The following VPS53 variants were observed in gnomAD, a reference collection of about 807,000 sequenced individuals.
The protein encoded by VPS53 is vacuolar protein sorting-associated protein 53 homolog.
Under a neutral mutation model 107.0 loss-of-function variants are expected in VPS53, and 70 were observed. The observed-to-expected ratio is 0.65, with a 90% CI of 0.54 to 0.80. The LOEUF is 0.80. Among genes scored for constraint, VPS53 ranks in the 30% least tolerant of loss-of-function variants. The probability of loss-of-function intolerance (pLI) is 0.00; values close to 1 mark genes in which losing one functional copy is unlikely to be tolerated. For synonymous variants in VPS53, 409 were observed against 393.3 expected (o/e 1.04, Z -0.47); for missense variants, 917 against 1,049.4 (o/e 0.87, Z 1.74).
intron 11 of VPS53, among the ~76,000 whole-genome samples, chr17:610,182 TTAG>T (rs1968797007): frequency 7.2e-6 from 1 of 138,602 alleles, no homozygotes; most frequent in Non-Finnish European, 1.6e-5. Flanking sequence ...CACACACAAA[TTAG>T]TAGACAAAAA....
intron 4 of VPS53, among the ~76,000 whole-genome samples, chr17:691,245 A>G (rs1198177568): frequency 6.6e-6 from 1 of 152,226 alleles, no homozygotes; most frequent in Middle Eastern, 3.2e-3. Context: ...TCCAGCTGGC[A>G]GAACTAAGAT....
Position 714,757 on chromosome 17 carries a change from C to A in VPS53, c.-48G>T, listed in dbSNP as rs997448352. On this transcript the variant is annotated 5_prime_UTR_variant, in exon 1 of 22. Coordinates refer to ENST00000437048, the MANE Select transcript of VPS53 (RefSeq NM_001128159.3). ...ACCCCCGCCGCGAGCCCAACTCAGG[C>A]CTCCAGCCGCCACCCAGGCCCCAGC... 1 of 1,603,104 alleles carries A rather than the reference C, an allele frequency of 6.2e-7. No homozygotes were observed. Among genetic ancestry groups the A allele is most frequent in the Non-Finnish European group, 8.5e-7 (1 of 1,171,186 alleles).
chr17:672,153 A>ACACACACACAC (rs1193028603), intron 4 of VPS53, among the ~76,000 whole-genome samples: 342 of 58,134 alleles, frequency 5.9e-3, no homozygotes, highest in East Asian at 0.012. Flanking sequence ...CACACACACA[A>ACACACACACAC]TCTCTCTCTC....
At chr17:661,748 C>A in intron 5 of VPS53, 61 bp downstream of exon 5, 1 of 1,481,822 alleles carries the variant, frequency 6.7e-7, no homozygotes, top group Non-Finnish European at 9.2e-7. Context: ...ATTAGAATGC[C>A]TAGATGAGAA....
intron 17 of VPS53, among the ~76,000 whole-genome samples, chr17:548,621 C>A (rs58032410): frequency 0.17 from 12,303 of 73,542 alleles, 1,784 homozygotes; most frequent in East Asian, 0.31. Flanking sequence ...GCCAACAGTC[C>A]TTCTGACATT....
At chr17:611,032 A>G (rs190281548) in intron 11 of VPS53, among the ~76,000 whole-genome samples, 131 of 152,250 alleles carry the variant, frequency 8.6e-4, no homozygotes, top group Middle Eastern at 3.4e-3. Flanking sequence ...AAATGGGCAA[A>G]AAATGTGAAT....
chr17:597,157 T>C (rs1410850817), intron 12 of VPS53, among the ~76,000 whole-genome samples: 1 of 152,170 alleles, frequency 6.6e-6, no homozygotes, highest in Non-Finnish European at 1.5e-5. Flanking sequence ...CTCTCTCTTC[T>C]CAGCAGCGAG....
intron 17 of VPS53, among the ~76,000 whole-genome samples, chr17:545,117 G>A (rs917802227): frequency 7.2e-5 from 11 of 152,116 alleles, no homozygotes; most frequent in Admixed American, 4.6e-4. Flanking sequence ...GGAAGGAAAC[G>A]TGGTCTAGAA....
intron 2 of VPS53, among the ~76,000 whole-genome samples, chr17:706,372 A>C (rs955166311): frequency 1.3e-5 from 2 of 152,038 alleles, no homozygotes; most frequent in East Asian, 3.9e-4. Flanking sequence ...CCCCGTCTCT[A>C]CTAAAAATAC....
At chr17:579,137 T>G (rs899470574) in intron 13 of VPS53, among the ~76,000 whole-genome samples, 1 of 149,534 alleles carries the variant, frequency 6.7e-6, no homozygotes, top group East Asian at 2.0e-4. Flanking sequence ...CAGAACCTAA[T>G]GCGTTCCCAG....
chr17:692,741 G>A (rs1368632099), intron 4 of VPS53, among the ~76,000 whole-genome samples: 1 of 152,174 alleles, frequency 6.6e-6, no homozygotes. Flanking sequence ...GGTGGCTCAC[G>A]CCTGTCATCC....
At chr17:598,552 TGAG>T (rs1480165016) in intron 12 of VPS53, among the ~76,000 whole-genome samples, 1 of 150,498 alleles carries the variant, frequency 6.6e-6, no homozygotes, top group Non-Finnish European at 1.5e-5. Context: ...ATCTAGGAAG[TGAG>T]GAGCGTCTCT....
At chr17:676,649 C>A (rs1254190308) in intron 4 of VPS53, among the ~76,000 whole-genome samples, 3 of 152,106 alleles carry the variant, frequency 2.0e-5, no homozygotes, top group Non-Finnish European at 4.4e-5. Context: ...GGAGATGGCT[C>A]AGAAGAACCT....
chr17:577,300 C>T (rs1263619646), intron 13 of VPS53, among the ~76,000 whole-genome samples: 1 of 149,600 alleles, frequency 6.7e-6, no homozygotes, highest in Non-Finnish European at 1.5e-5. Context: ...AACCACAATG[C>T]ATTCCTAGAG....
intron 1 of VPS53, among the ~76,000 whole-genome samples, chr17:711,532 C>A (rs904537871): frequency 3.9e-5 from 6 of 152,166 alleles, no homozygotes; most frequent in African/African-American, 1.4e-4. Context: ...CACATATACA[C>A]AGGTTATTTA....
At chr17:535,990 C>T (rs1910029158) in intron 18 of VPS53, among the ~76,000 whole-genome samples, 3 of 152,104 alleles carry the variant, frequency 2.0e-5, no homozygotes, top group South Asian at 4.1e-4. Flanking sequence ...CTGGGCTGAC[C>T]CTCCTGAAGC....
intron 4 of VPS53, among the ~76,000 whole-genome samples, chr17:683,505 A>G (rs1597483673): frequency 6.6e-6 from 1 of 152,252 alleles, no homozygotes; most frequent in Admixed American, 6.5e-5. Context: ...AGACCGTGTT[A>G]TAAGAAACAC....
rs549870997 is a variant in VPS53, at chr17:516,726, G to A, written c.*2402C>T. On this transcript the variant is annotated 3_prime_UTR_variant, in exon 22 of 22. Transcript: ENST00000437048. ...CACACCCCCAGAAGAGAAACACAGC[G>A]TCTCTACACAGTACTGAGTCCCCAT... 1.3e-5 allele frequency: 2 copies of A among 152,110 alleles called. No individual in the cohort carries two copies. The highest frequency in any genetic ancestry group is 1.9e-4 in the East Asian group (1 of 5,184). The allele number at this position is 152,110 out of a possible 1,614,324, so 9.4% of individuals were successfully genotyped here. A position where few individuals can be genotyped will look rare whatever the true frequency, so the allele number is the denominator to read the frequency against.
intron 7 of VPS53, among the ~76,000 whole-genome samples, chr17:649,725 T>G (rs1323125634): frequency 1.3e-5 from 2 of 152,120 alleles, no homozygotes; most frequent in Non-Finnish European, 2.9e-5. Context: ...GATCTTACAC[T>G]GGAGGACAGA....
Sources: gnomAD v4.1 joint callset for allele counts (sites outside exome capture counted in the v4.1 genomes callset) on GRCh38, gnomAD v4.1.1 for gene constraint, MANE v1.5 for transcripts, NCBI Gene and HGNC (gene_info 2026-07-23, HGNC 2026-07-21) for gene names.